KIF23: variants seen among roughly 807,000 people sequenced by gnomAD.
KIF23 encodes the protein kinesin-like protein KIF23.
In KIF23, 30 loss-of-function variants were observed where a neutral mutation model predicts 137.5. The observed-to-expected ratio is 0.22, with a 90% CI of 0.16 to 0.30. The LOEUF is 0.30. KIF23 is among the 10% of genes least tolerant of loss of function. The pLI is 1.00. For synonymous variants in KIF23, 367 were observed against 391.1 expected, an observed-to-expected ratio of 0.94 and a Z score of 0.73; for missense variants, 920 against 1,194.3, an observed-to-expected ratio of 0.77 and a Z score of 3.38.
rs369545273 is a variant in KIF23 at position 69,435,781 on chromosome 15, A to G, written c.1314+10A>G. 1.3e-5 allele frequency: 21 copies of G among 1,613,402 alleles called. No homozygotes were observed. In the African/African-American group the frequency reaches 2.7e-4, roughly 21 times the overall value. Reference sequence around the variant, plus strand: ...TTATGAAGAAAACTTGGTAATTTTAATGTATTTGTCCTATAAAGTCTTGAG... The same window carrying G: ...TTATGAAGAAAACTTGGTAATTTTAGTGTATTTGTCCTATAAAGTCTTGAG... On this transcript the variant is annotated intron_variant, in intron 13 of 23. Transcript: ENST00000679126.
intron 11 of KIF23, chr15:69,434,594 A>G: frequency 8.0e-7 from 1 of 1,257,424 alleles, no homozygotes. Context: ...TCCTTCTTCC[A>G]AGGTCATGAT....
rs376997110 is a variant in KIF23 at position 69,418,973 on chromosome 15, C to T, written c.210+1462C>T. 2.8e-4 allele frequency among the ~76,000 whole-genome samples: 42 copies of T among 152,100 alleles called. 2 individuals are homozygous for T. The South Asian group carries it at 4.4e-3, about 16-fold the overall frequency. On this transcript the variant is annotated intron_variant, in intron 3 of 23. Coordinates refer to ENST00000679126, the MANE Select transcript of KIF23 (RefSeq NM_001367805.3). ...CTCTACTAAAAATACAAAAATTAGC[C>T]GGGCATGATGACGTGTGCCTGTAAT... is the stretch of plus-strand genomic sequence containing the variant.
At position 69,429,222 on chromosome 15, in the gene KIF23, A is replaced by G. The variant is rs1251659144; in HGVS notation, c.1114+9A>G. The G allele has an allele frequency of 1.3e-6, 2 of 1,583,522 alleles. No individual in the cohort carries two copies. The highest frequency in any genetic ancestry group is 1.7e-6 in the Non-Finnish European group (2 of 1,158,726). On this transcript the variant is annotated intron_variant, in intron 11 of 23. Coordinates refer to ENST00000679126, the MANE Select transcript of KIF23 (RefSeq NM_001367805.3). Reference sequence around the variant, plus strand: ...CAGATTACGTGAAGCTGGTGAGTAAAGCATGGTATTTATTTATTGCTACAA... The same window carrying G: ...CAGATTACGTGAAGCTGGTGAGTAAGGCATGGTATTTATTTATTGCTACAA...
intron 3 of KIF23, among the ~76,000 whole-genome samples, chr15:69,420,162 G>A (rs1196620903): frequency 1.3e-5 from 2 of 152,102 alleles, no homozygotes; most frequent in Non-Finnish European, 2.9e-5. Flanking sequence ...TACTCGGGAG[G>A]CTGAGGCAGG....
Position 69,440,845 on chromosome 15 carries a change from C to G in KIF23, c.2187C>G (p.Asn729Lys). Residue 729 changes from asparagine (N) to lysine (K), a missense_variant, in exon 19 of 24, where the codon AAC becomes AAG. By Grantham distance (94) the Asn-to-Lys change is moderately conservative (BLOSUM62 0). Around this residue, in one of 4 missense-constraint regions of KIF23, gnomAD observed 714 missense variants for 866.2 expected, o/e 0.82. Coordinates refer to ENST00000679126, the MANE Select transcript of KIF23 (RefSeq NM_001367805.3). ...MSQPQLHRRS[N>K]SCSSISVASC... The stretch of plus-strand genomic sequence containing the variant: ...AGCCACAGCTACATAGGCGCTCTAA[C>G]TCTTGCAGCAGCATTTCTGTAGCTT... 1 of 1,614,038 alleles carries G rather than the reference C, an allele frequency of 6.2e-7. No homozygotes were observed. Among genetic ancestry groups the G allele is most frequent in the Non-Finnish European group, 8.5e-7 (1 of 1,180,042 alleles).
At chr15:69,434,743 C>T (rs968322998) in intron 11 of KIF23, 95 of 1,264,946 alleles carry the variant, frequency 7.5e-5, no homozygotes, top group African/African-American at 6.6e-4. Flanking sequence ...GGCACGAACG[C>T]GCTGACTGGG....
intron 13 of KIF23, 134 bp downstream of exon 13, chr15:69,435,905 G>A (rs992793974): frequency 1.1e-5 from 14 of 1,293,180 alleles, no homozygotes; most frequent in African/African-American, 1.5e-5. Flanking sequence ...AACTAGGCTT[G>A]GTGTGGTGGC....
chr15:69,414,552 A>T (rs939550677), intron 1 of KIF23, 76 bp downstream of exon 1: 24 of 1,421,086 alleles, frequency 1.7e-5, no homozygotes, highest in Non-Finnish European at 2.0e-5. Context: ...AGGCGTCTCC[A>T]CTCAGGCCGC....
chr15:69,426,730 GTTAAA>G, intron 10 of KIF23: 3 of 333,788 alleles, frequency 9.0e-6, no homozygotes, highest in Non-Finnish European at 1.1e-5. Context: ...GAAAAAAAAA[GTTAAA>G]TTAGAGAGGT....
chr15:69,440,679 G>A (rs2057594322), intron 18 of KIF23, 89 bp from the exon 19 acceptor site: 5 of 1,171,298 alleles, frequency 4.3e-6, no homozygotes, highest in Admixed American at 2.8e-5. Flanking sequence ...GTAATGTTAA[G>A]TCTTCATGTG....
chr15:69,432,596 G>A (rs1330403936), intron 11 of KIF23, among the ~76,000 whole-genome samples: 2 of 152,000 alleles, frequency 1.3e-5, no homozygotes, highest in Admixed American at 1.3e-4. Context: ...AGGTTGCAGG[G>A]CTGTGTGCCA....
At chr15:69,430,672 G>GT (rs927144953) in intron 11 of KIF23, among the ~76,000 whole-genome samples, 16 of 152,214 alleles carry the variant, frequency 1.1e-4, no homozygotes, top group African/African-American at 3.6e-4. Context: ...AGTAGAGGAT[G>GT]TAAGTTGGTG....
intron 3 of KIF23, among the ~76,000 whole-genome samples, chr15:69,421,089 C>G (rs1011667575): frequency 6.6e-6 from 1 of 152,176 alleles, no homozygotes; most frequent in Non-Finnish European, 1.5e-5. Context: ...CATTAGTAGA[C>G]TTAAGACTTT....
chr15:69,422,826 A>G (rs2057092141), intron 6 of KIF23: 6 of 245,558 alleles, frequency 2.4e-5, no homozygotes, highest in Middle Eastern at 1.4e-3. Flanking sequence ...TTTGAGACAG[A>G]GTCTCACTTT....
chr15:69,422,515 G>A (rs2057083767), intron 6 of KIF23, 80 bp downstream of exon 6: 2 of 784,194 alleles, frequency 2.6e-6, no homozygotes, highest in South Asian at 1.5e-5. Flanking sequence ...ATGAGGAATG[G>A]TGAACATTAA....
At chr15:69,427,159 A>G (rs2057217563) in intron 10 of KIF23, among the ~76,000 whole-genome samples, 1 of 152,174 alleles carries the variant, frequency 6.6e-6, no homozygotes, top group Non-Finnish European at 1.5e-5. Flanking sequence ...AAAATAAAAA[A>G]ATAGAACTTT....
At position 69,446,907 on chromosome 15, in the gene KIF23, C is replaced by T. The variant is rs1288758702; in HGVS notation, c.2875C>T (p.Leu959=). Reference sequence around the variant, plus strand: ...TGTGGAGATGAGAGCAGGATCCCAGCTGGGACCTGGATATCAGCATCACGC... The same window carrying T: ...TGTGGAGATGAGAGCAGGATCCCAGTTGGGACCTGGATATCAGCATCACGC... ...VAVEMRAGSQ[L]GPGYQHHAQP... is the part of the protein sequence containing the mutation. The change falls in exon 23 of 24, where the codon CTG becomes TTG. Residue 959 remains leucine, a synonymous_variant. Transcript: ENST00000679126. 47 of 1,614,210 alleles carry T rather than the reference C, an allele frequency of 2.9e-5. No homozygotes were observed. Among genetic ancestry groups the T allele is most frequent in the Non-Finnish European group, 3.9e-5 (46 of 1,180,020 alleles).
rs141126954 is a variant in KIF23 at position 69,424,441 on chromosome 15, A to G, written c.735-841A>G. On this transcript the variant is annotated intron_variant, in intron 7 of 23. Coordinates refer to ENST00000679126, the MANE Select transcript of KIF23 (RefSeq NM_001367805.3). ...TTTCTGGAGTGACCTATCTATATTT[A>G]CCCTTGGAATGTTGGTAATAGTAAA... Among the ~76,000 whole-genome samples, 44 of 152,266 alleles carry G rather than the reference A, an allele frequency of 2.9e-4. No individual in the cohort carries two copies. The East Asian group carries it at 8.3e-3, about 29-fold the overall frequency.
At chr15:69,446,446 C>T in intron 22 of KIF23, 82 bp downstream of exon 22, 1 of 1,112,546 alleles carries the variant, frequency 9.0e-7, no homozygotes. Context: ...GATTTTTATG[C>T]TCTTTGAAAA....
Sources: allele counts gnomAD v4.1 joint callset (sites outside exome capture counted in the v4.1 genomes callset), GRCh38; gene constraint gnomAD v4.1.1; regional missense constraint gnomAD v4.1.1; transcripts MANE v1.5; gene names NCBI Gene and HGNC (gene_info 2026-07-23, HGNC 2026-07-21).